Variants in TENM3 observed in about 807,000 individuals in gnomAD.
TENM3 encodes the protein teneurin transmembrane protein 3.
Under a neutral mutation model 255.1 loss-of-function variants are expected in TENM3, and 63 were observed. That is an observed-to-expected ratio of 0.25 (90% CI 0.20 to 0.30). The LOEUF (loss-of-function observed/expected upper bound fraction) is 0.30. TENM3 is among the 10% of genes least tolerant of loss of function. The pLI, the probability that TENM3 is intolerant of heterozygous loss-of-function variation, is 1.00. For missense variants in TENM3, 2,929 were observed against 3,461.1 expected (o/e 0.85, Z 3.86); for synonymous variants, 1,306 against 1,322.3 (o/e 0.99, Z 0.27).
chr4:182,567,594 T>A (rs1184960274), intron 3 of TENM3, among the ~76,000 whole-genome samples: 1 of 152,126 alleles, frequency 6.6e-6, no homozygotes, highest in Non-Finnish European at 1.5e-5. Flanking sequence ...AACTAGGCCT[T>A]TGTACTGTCC....
At chr4:182,077,263 A>C in the TENM3 span, among the ~76,000 whole-genome samples, 1 of 151,896 alleles carries the variant, frequency 6.6e-6, no homozygotes, top group Non-Finnish European at 1.5e-5. Flanking sequence ...GGTTTTCTCC[A>C]CTTCAAATAA....
the TENM3 span, among the ~76,000 whole-genome samples, chr4:181,790,381 C>G: frequency 1.3e-5 from 2 of 152,050 alleles, no homozygotes; most frequent in Admixed American, 6.6e-5. Flanking sequence ...TTCCTGAAAA[C>G]TTTTTCAAGA....
At chr4:182,124,916 AGC>A in the TENM3 span, among the ~76,000 whole-genome samples, 658 of 151,978 alleles carry the variant, frequency 4.3e-3, 3 homozygotes, top group African/African-American at 0.015. Flanking sequence ...CCCATTGCCC[AGC>A]GCATCCACGC....
chr4:182,784,125 G>T (rs897056989), intron 24 of TENM3, among the ~76,000 whole-genome samples: 1 of 152,196 alleles, frequency 6.6e-6, no homozygotes, highest in Non-Finnish European at 1.5e-5. Context: ...AGGAGGAGAG[G>T]CGCTCTGCTT....
At chr4:181,972,433 G>A in the TENM3 span, among the ~76,000 whole-genome samples, 1 of 70,672 alleles carries the variant, frequency 1.4e-5, no homozygotes. Context: ...AGACCTCCTT[G>A]TCCAAAAAAA....
chr4:182,746,337 A>AAC (rs1469259358), intron 19 of TENM3, among the ~76,000 whole-genome samples: 1 of 152,224 alleles, frequency 6.6e-6, no homozygotes, highest in East Asian at 1.9e-4. Context: ...TCTAAAAATG[A>AAC]AGTCTGCTTA....
the TENM3 span, among the ~76,000 whole-genome samples, chr4:181,519,906 T>A: frequency 6.6e-6 from 1 of 152,270 alleles, no homozygotes; most frequent in East Asian, 1.9e-4. Flanking sequence ...CCTGTAGGAA[T>A]CAAACAGACA....
chr4:181,450,519 G>C, the TENM3 span, among the ~76,000 whole-genome samples: 3 of 152,096 alleles, frequency 2.0e-5, no homozygotes, highest in African/African-American at 7.2e-5. Context: ...TTTGGATCAA[G>C]GTAATTTGCT....
At chr4:181,876,840 T>G in the TENM3 span, among the ~76,000 whole-genome samples, 1 of 152,174 alleles carries the variant, frequency 6.6e-6, no homozygotes, top group Non-Finnish European at 1.5e-5. Context: ...ATAGATTGTA[T>G]TCTCCTTGAT....
chr4:181,496,817 A>G, the TENM3 span, among the ~76,000 whole-genome samples: 2 of 152,216 alleles, frequency 1.3e-5, no homozygotes, highest in East Asian at 1.9e-4. Context: ...AGCCCTGAGG[A>G]TAAATGACAC....
intron 4 of TENM3, among the ~76,000 whole-genome samples, chr4:182,617,063 G>T (rs1317858597): frequency 6.6e-6 from 1 of 152,094 alleles, no homozygotes; most frequent in Non-Finnish European, 1.5e-5. Flanking sequence ...TCAGAATTTG[G>T]TAGTGAAAAT....
At chr4:181,715,642 A>G in the TENM3 span, among the ~76,000 whole-genome samples, 2 of 152,180 alleles carry the variant, frequency 1.3e-5, no homozygotes, top group Non-Finnish European at 2.9e-5. Flanking sequence ...ATGCAGTGAG[A>G]TTCTTCACTG....
chr4:182,485,124 GTA>G (rs2151540172), intron 3 of TENM3, among the ~76,000 whole-genome samples: 1 of 152,166 alleles, frequency 6.6e-6, no homozygotes, highest in East Asian at 1.9e-4. Context: ...TTGTGGTATG[GTA>G]TATAAATCAG....
At chr4:181,467,103 G>GTA in the TENM3 span, among the ~76,000 whole-genome samples, 44 of 66,334 alleles carry the variant, frequency 6.6e-4, no homozygotes, top group South Asian at 3.5e-3. Flanking sequence ...GTGTGTGTGT[G>GTA]TATATATATA....
chr4:181,693,724 C>G, the TENM3 span, among the ~76,000 whole-genome samples: 1 of 152,198 alleles, frequency 6.6e-6, no homozygotes, highest in South Asian at 2.1e-4. Context: ...AGGTCAACAT[C>G]AGCTTGTCCC....
chr4:182,483,057 A>G (rs13148378), intron 3 of TENM3, among the ~76,000 whole-genome samples: 7,973 of 140,022 alleles, frequency 0.057, 284 homozygotes, highest in Non-Finnish European at 0.088. Context: ...TTCTTCAGCT[A>G]TTTTTTTCTT....
At chr4:182,407,144 G>A (rs183407232) in intron 3 of TENM3, among the ~76,000 whole-genome samples, 4 of 152,226 alleles carry the variant, frequency 2.6e-5, no homozygotes, top group Admixed American at 1.3e-4. Flanking sequence ...TACTCATCCC[G>A]TGGAGATCTC....
chr4:182,490,282 T>A (rs1280563508), intron 3 of TENM3, among the ~76,000 whole-genome samples: 3 of 152,206 alleles, frequency 2.0e-5, no homozygotes, highest in African/African-American at 7.2e-5. Context: ...TTCTCAAAGA[T>A]GAGCTATAGC....
intron 1 of TENM3, among the ~76,000 whole-genome samples, chr4:182,232,549 C>T (rs1467197239): frequency 6.6e-6 from 1 of 152,064 alleles, no homozygotes; most frequent in Non-Finnish European, 1.5e-5. Flanking sequence ...CATGGCGAAA[C>T]CCCATGTCTA....
Sources: gnomAD v4.1 joint callset for allele counts (sites outside exome capture counted in the v4.1 genomes callset) on GRCh38, gnomAD v4.1.1 for gene constraint, MANE v1.5 for transcripts, NCBI Gene and HGNC (gene_info 2026-07-23, HGNC 2026-07-21) for gene names.